The following CEMIP variants were observed in gnomAD, a reference collection of about 807,000 sequenced individuals.
CEMIP encodes the protein cell migration-inducing and hyaluronan-binding protein.
A neutral mutation model predicts 156.9 loss-of-function variants in CEMIP; 105 were observed. The observed-to-expected ratio is 0.67, with a 90% confidence interval of 0.57 to 0.79. The LOEUF (loss-of-function observed/expected upper bound fraction) is 0.79, where lower values mean the gene tolerates loss of function less well. Among genes scored for constraint, CEMIP ranks in the 30% least tolerant of loss-of-function variants. CEMIP has a pLI of 0.00. For synonymous variants in CEMIP, 676 were observed against 668.4 expected, an observed-to-expected ratio of 1.01 and a Z score of -0.17; for missense variants, 1,457 against 1,769.4, an observed-to-expected ratio of 0.82 and a Z score of 3.17.
chr15:80,915,275 G>A (rs1174037617), intron 14 of CEMIP, among the ~76,000 whole-genome samples: 1 of 152,184 alleles, frequency 6.6e-6, no homozygotes, highest in South Asian at 2.1e-4. Context: ...TTTCGGGAAG[G>A]GACGGTTATC....
intron 3 of CEMIP, among the ~76,000 whole-genome samples, chr15:80,876,005 A>T (rs1898461871): frequency 6.6e-6 from 1 of 152,254 alleles, no homozygotes. Context: ...AAACTCCTGC[A>T]CTTGGAGAGT....
At chr15:80,917,673 T>C (rs113027924) in intron 14 of CEMIP, among the ~76,000 whole-genome samples, 37 of 152,222 alleles carry the variant, frequency 2.4e-4, no homozygotes, top group Non-Finnish European at 2.4e-4. Context: ...AACAGAGAGC[T>C]TGCCTGGAAC....
intron 1 of CEMIP, among the ~76,000 whole-genome samples, chr15:80,783,267 G>A (rs944669045): frequency 2.0e-5 from 3 of 152,226 alleles, no homozygotes; most frequent in African/African-American, 7.2e-5. Flanking sequence ...AAACATGTAG[G>A]TTGGGTTCCT....
intron 12 of CEMIP, among the ~76,000 whole-genome samples, chr15:80,904,174 T>C (rs375146821): frequency 2.6e-5 from 4 of 152,236 alleles, no homozygotes; most frequent in Admixed American, 1.3e-4. Context: ...TAAGAGTCCA[T>C]TGCAGTAAAT....
intron 14 of CEMIP, among the ~76,000 whole-genome samples, chr15:80,915,269 G>A (rs1229661765): frequency 8.5e-5 from 13 of 152,136 alleles, no homozygotes; most frequent in Non-Finnish European, 1.9e-4. Flanking sequence ...GGTTTGTTTC[G>A]GGAAGGGACG....
chr15:80,870,587 A>G (rs1328061346), intron 1 of CEMIP, among the ~76,000 whole-genome samples: 1 of 151,898 alleles, frequency 6.6e-6, no homozygotes, highest in Non-Finnish European at 1.5e-5. Context: ...CTGAAGGGAG[A>G]GCAGAGACTC....
intron 6 of CEMIP, among the ~76,000 whole-genome samples, chr15:80,883,731 G>A (rs1437866001): frequency 6.6e-6 from 1 of 152,142 alleles, no homozygotes; most frequent in Non-Finnish European, 1.5e-5. Context: ...AAGAATTCTG[G>A]GATTGGTGTT....
At chr15:80,859,776 G>A (rs1268949604) in intron 1 of CEMIP, among the ~76,000 whole-genome samples, 2 of 152,242 alleles carry the variant, frequency 1.3e-5, no homozygotes, top group Non-Finnish European at 2.9e-5. Flanking sequence ...TATTGGGATA[G>A]TGGAGGGAAA....
At chr15:80,873,268 T>C (rs912163470) in intron 1 of CEMIP, among the ~76,000 whole-genome samples, 4 of 152,230 alleles carry the variant, frequency 2.6e-5, no homozygotes, top group African/African-American at 7.2e-5. Flanking sequence ...CTTTGCTACA[T>C]CTTCCTCCTA....
intron 28 of CEMIP, chr15:80,946,546 C>G (rs1290395577): frequency 1.1e-5 from 2 of 188,310 alleles, no homozygotes; most frequent in African/African-American, 4.7e-5. Context: ...TTTCTCCTTC[C>G]TTCCTCCATC....
chr15:80,816,786 A>G (rs886410540), intron 1 of CEMIP, among the ~76,000 whole-genome samples: 1 of 152,072 alleles, frequency 6.6e-6, no homozygotes, highest in African/African-American at 2.4e-5. Context: ...GTGTCCTTGT[A>G]CCTGCACAGC....
At chr15:80,782,735 G>A (rs8036700) in intron 1 of CEMIP, among the ~76,000 whole-genome samples, 28 of 152,090 alleles carry the variant, frequency 1.8e-4, no homozygotes, top group Admixed American at 5.2e-4. Flanking sequence ...AGCTTCTTCC[G>A]TCTAAAAGGA....
At chr15:80,782,105 T>C (rs927520232) in intron 1 of CEMIP, among the ~76,000 whole-genome samples, 3 of 152,226 alleles carry the variant, frequency 2.0e-5, no homozygotes, top group African/African-American at 7.2e-5. Context: ...CTACCTACAC[T>C]ACTTGGAGGA....
At chr15:80,825,231 A>G (rs1283462520) in intron 1 of CEMIP, among the ~76,000 whole-genome samples, 1 of 152,032 alleles carries the variant, frequency 6.6e-6, no homozygotes, top group Non-Finnish European at 1.5e-5. Context: ...TTGTACCACT[A>G]TGAAGTGTGT....
chr15:80,888,531 A>G (rs564702066), intron 8 of CEMIP, among the ~76,000 whole-genome samples, 170 bp from the exon 9 acceptor site: 1 of 152,298 alleles, frequency 6.6e-6, no homozygotes, highest in Non-Finnish European at 1.5e-5. Flanking sequence ...ATGGATGATC[A>G]TCTCTTCCCA....
intron 1 of CEMIP, among the ~76,000 whole-genome samples, chr15:80,870,788 G>A (rs1461058689): frequency 2.6e-5 from 4 of 152,180 alleles, no homozygotes; most frequent in African/African-American, 9.7e-5. Context: ...GAAGACTTGT[G>A]GAATATCCCA....
chr15:80,784,060 C>T (rs966806084), intron 1 of CEMIP, among the ~76,000 whole-genome samples: 4 of 152,206 alleles, frequency 2.6e-5, no homozygotes, highest in African/African-American at 9.6e-5. Context: ...CTTCCTTGCA[C>T]AGGCACCTGC....
intron 1 of CEMIP, among the ~76,000 whole-genome samples, chr15:80,845,247 A>C (rs982997543): frequency 6.6e-6 from 1 of 152,156 alleles, no homozygotes; most frequent in African/African-American, 2.4e-5. Flanking sequence ...CCTGGGCAAC[A>C]TAGCTAGACC....
intron 28 of CEMIP, among the ~76,000 whole-genome samples, chr15:80,944,079 A>G (rs750828805): frequency 5.9e-5 from 9 of 152,136 alleles, no homozygotes; most frequent in Admixed American, 5.2e-4. Context: ...GGAGTTTGAC[A>G]TCAGCCTGGC....
Sources: gnomAD v4.1 joint callset for allele counts (sites outside exome capture counted in the v4.1 genomes callset) on GRCh38, gnomAD v4.1.1 for gene constraint, MANE v1.5 for transcripts, NCBI Gene and HGNC (gene_info 2026-07-23, HGNC 2026-07-21) for gene names.